The following ST3GAL3 variants were observed in gnomAD, a reference collection of about 807,000 sequenced individuals.
The protein encoded by ST3GAL3 is CMP-N-acetylneuraminate-beta-1,4-galactoside alpha-2,3-sialyltransferase.
In ST3GAL3, 21 loss-of-function variants were observed where a neutral mutation model predicts 50.1. That is an observed-to-expected ratio of 0.42 (90% CI 0.30 to 0.60). ST3GAL3 has a LOEUF of 0.60. ST3GAL3 is among the 20% of genes least tolerant of loss of function. The pLI is 0.19. For missense variants in ST3GAL3, 353 were observed against 489.4 expected (o/e 0.72, Z 2.63); for synonymous variants, 183 against 190.0 (o/e 0.96, Z 0.30).
chr1:43,754,305 G>T (rs1367004508), intron 2 of ST3GAL3, among the ~76,000 whole-genome samples: 1 of 152,090 alleles, frequency 6.6e-6, no homozygotes, highest in East Asian at 1.9e-4. Flanking sequence ...GAATTCTCTT[G>T]CCTCAGCCTC....
At chr1:43,842,069 G>A (rs2065471620) in intron 5 of ST3GAL3, 1 of 152,236 alleles carries the variant, frequency 6.6e-6, no homozygotes, top group Admixed American at 6.5e-5. Context: ...GGCATAACAT[G>A]TTATGACCTT....
At chr1:43,923,085 T>C (rs948849362) in intron 11 of ST3GAL3, among the ~76,000 whole-genome samples, 3 of 151,752 alleles carry the variant, frequency 2.0e-5, no homozygotes, top group Admixed American at 2.0e-4. Context: ...CAAGACTCCG[T>C]CTCAAAAAAA....
intron 5 of ST3GAL3, among the ~76,000 whole-genome samples, chr1:43,876,354 A>G (rs1336377983): frequency 2.0e-5 from 3 of 152,206 alleles, no homozygotes; most frequent in Admixed American, 6.5e-5. Flanking sequence ...TGCCAAGCAC[A>G]GGGATCATAA....
At chr1:43,858,055 A>G (rs1412586191) in intron 5 of ST3GAL3, 1 of 1,113,184 alleles carries the variant, frequency 9.0e-7, no homozygotes. Flanking sequence ...AGTGGAAAGA[A>G]CAGGTTTTTG....
At chr1:43,818,887 A>G (rs993082204) in intron 4 of ST3GAL3, among the ~76,000 whole-genome samples, 3 of 152,236 alleles carry the variant, frequency 2.0e-5, no homozygotes, top group African/African-American at 7.2e-5. Context: ...TGAAGGTAAG[A>G]CATAAGAAAT....
chr1:43,783,026 C>T (rs1348004913), intron 2 of ST3GAL3, among the ~76,000 whole-genome samples: 1 of 151,562 alleles, frequency 6.6e-6, no homozygotes, highest in South Asian at 2.1e-4. Flanking sequence ...AATCTGAACA[C>T]TTTGGGATTC....
chr1:43,841,707 C>G (rs1002093727), intron 5 of ST3GAL3: 1 of 152,164 alleles, frequency 6.6e-6, no homozygotes, highest in Non-Finnish European at 1.5e-5. Context: ...TCCCTATTGT[C>G]TTAGATATTA....
At chr1:43,783,539 A>G (rs1465951574) in intron 2 of ST3GAL3, among the ~76,000 whole-genome samples, 2 of 152,196 alleles carry the variant, frequency 1.3e-5, no homozygotes, top group South Asian at 4.2e-4. Context: ...ACTTGGCAAT[A>G]TTGCCTTTTC....
At position 43,785,609 on chromosome 1, in the gene ST3GAL3, C is replaced by T. The variant is rs2057217433; in HGVS notation, c.119-6493C>T. Among the ~76,000 whole-genome samples the T allele has an allele frequency of 1.3e-5, 2 of 152,198 alleles. 1 individual carries two copies. The highest frequency in any genetic ancestry group is 2.9e-5 in the Non-Finnish European group (2 of 68,024). ...GAATCTAAAGTTGTCTTGCTGCCCT[C>T]AACAGCAGGGTTGTGACTCTTGGCT... On this transcript the variant is annotated intron_variant, in intron 2 of 11. Transcript: ENST00000347631.
At position 43,899,387 on chromosome 1, in the gene ST3GAL3, G is replaced by A. The variant is rs1246954444; in HGVS notation, c.557+124G>A. 59 of 1,591,606 alleles carry A rather than the reference G, an allele frequency of 3.7e-5. No individual in the cohort carries two copies. The highest frequency in any genetic ancestry group is 9.4e-5 in the African/African-American group (7 of 74,336). The stretch of plus-strand genomic sequence containing the variant: ...TCAACGGAAGCCTCAAGAACTCTGG[G>A]TTGGAGGGCTTTGGAACAGACAACT... On this transcript the variant is annotated intron_variant, in intron 8 of 11. Coordinates refer to ENST00000347631, the MANE Select transcript of ST3GAL3 (RefSeq NM_006279.5). This position sits in a 1 kb window ranked among gnomAD's most constrained non-coding sequence, Gnocchi z 5.4.
At chr1:43,876,191 T>C (rs1474469996) in intron 5 of ST3GAL3, among the ~76,000 whole-genome samples, 5 of 152,048 alleles carry the variant, frequency 3.3e-5, no homozygotes, top group Admixed American at 2.6e-4. Flanking sequence ...CTCAAACTCC[T>C]GGGCTCAAGC....
At chr1:43,865,604 T>C (rs2071140388) in intron 5 of ST3GAL3, among the ~76,000 whole-genome samples, 1 of 152,074 alleles carries the variant, frequency 6.6e-6, no homozygotes, top group Non-Finnish European at 1.5e-5. Flanking sequence ...GAAAACAAAA[T>C]TAGAGAATGC....
At chr1:43,895,873 C>T (rs1407648145) in intron 6 of ST3GAL3, among the ~76,000 whole-genome samples, 1 of 152,134 alleles carries the variant, frequency 6.6e-6, no homozygotes, top group African/African-American at 2.4e-5. Context: ...ATATGGAGCC[C>T]ATCAGCCAGC....
At chr1:43,780,470 T>G (rs964590161) in intron 2 of ST3GAL3, among the ~76,000 whole-genome samples, 9 of 152,176 alleles carry the variant, frequency 5.9e-5, no homozygotes, top group African/African-American at 1.7e-4. Context: ...TGGGACAACT[T>G]TATTGAGTTA....
At chr1:43,710,532 C>A (rs1368725402) in intron 1 of ST3GAL3, among the ~76,000 whole-genome samples, 1 of 152,244 alleles carries the variant, frequency 6.6e-6, no homozygotes, top group Non-Finnish European at 1.5e-5. Context: ...ACTTCTCCAG[C>A]CAGGACTTTG....
chr1:43,888,228 C>T (rs1314505673), intron 5 of ST3GAL3, among the ~76,000 whole-genome samples: 1 of 152,046 alleles, frequency 6.6e-6, no homozygotes, highest in South Asian at 2.1e-4. Context: ...TGAAAACACA[C>T]AAGTACTAAA....
At chr1:43,764,429 G>A (rs931901399) in intron 2 of ST3GAL3, among the ~76,000 whole-genome samples, 7 of 152,114 alleles carry the variant, frequency 4.6e-5, no homozygotes, top group African/African-American at 1.2e-4. Flanking sequence ...ATATTGCATC[G>A]GGATATAGTA....
At chr1:43,831,120 A>G (rs1301693831) in intron 4 of ST3GAL3, among the ~76,000 whole-genome samples, 1 of 152,250 alleles carries the variant, frequency 6.6e-6, no homozygotes, top group Non-Finnish European at 1.5e-5. Flanking sequence ...CTGAGGTTGC[A>G]CACCTAGTAA....
chr1:43,826,406 A>G (rs1018817689), intron 4 of ST3GAL3, among the ~76,000 whole-genome samples: 6 of 152,230 alleles, frequency 3.9e-5, no homozygotes, highest in African/African-American at 4.8e-5. Context: ...ATAAATCTGT[A>G]TCTACTAAAG....
Sources: gnomAD v4.1 joint callset for allele counts (sites outside exome capture counted in the v4.1 genomes callset) on GRCh38, gnomAD v4.1.1 for gene constraint, Gnocchi (gnomAD v3.1) non-coding constraint, MANE v1.5 for transcripts, NCBI Gene and HGNC (gene_info 2026-07-23, HGNC 2026-07-21) for gene names.